Variants in PMS1 observed in about 807,000 individuals in gnomAD.
The protein encoded by PMS1 is PMS1 homolog 1, mismatch repair system component.
A neutral mutation model predicts 93.1 loss-of-function variants in PMS1; 79 were observed. That is an observed-to-expected ratio of 0.85 (90% CI 0.71 to 1.02). The LOEUF is 1.02. Among genes scored for constraint, PMS1 ranks in the 50% least tolerant of loss-of-function variants. PMS1 has a pLI of 0.00. For synonymous variants in PMS1, 335 were observed against 363.4 expected, an observed-to-expected ratio of 0.92 and a Z score of 0.89; for missense variants, 1,064 against 1,085.3, an observed-to-expected ratio of 0.98 and a Z score of 0.28.
chr2:189,863,166 C>G (rs1331705981), intron 9 of PMS1, among the ~76,000 whole-genome samples: 1 of 151,910 alleles, frequency 6.6e-6, no homozygotes, highest in Non-Finnish European at 1.5e-5. Flanking sequence ...GGCTGTTCTT[C>G]AGTGCCTACT....
At chr2:189,828,981 T>A (rs551934027) in intron 5 of PMS1, among the ~76,000 whole-genome samples, 2 of 152,310 alleles carry the variant, frequency 1.3e-5, no homozygotes, top group South Asian at 4.1e-4. Flanking sequence ...CTCAAATCTT[T>A]TAGCAAATAG....
chr2:189,865,323 G>C (rs256564), intron 10 of PMS1, among the ~76,000 whole-genome samples: 1 of 151,896 alleles, frequency 6.6e-6, no homozygotes, highest in Non-Finnish European at 1.5e-5. Flanking sequence ...GGAATGTTCT[G>C]TTGTCTGTAT....
chr2:189,805,828 A>C lies in PMS1; in HGVS notation c.418+74A>C, dbSNP rs756367776. On this transcript the variant is annotated intron_variant, in intron 4 of 12. Coordinates refer to ENST00000441310, the MANE Select transcript of PMS1 (RefSeq NM_000534.5). Reference sequence around the variant, plus strand: ...ATTGTTGGTTTAAAAAAAAAAAGTTACTCGGTGAATACAAATATATTGCTT... The same window carrying C: ...ATTGTTGGTTTAAAAAAAAAAAGTTCCTCGGTGAATACAAATATATTGCTT... 5 of 1,586,922 alleles carry C rather than the reference A, an allele frequency of 3.2e-6. No individual in the cohort carries two copies. In the Admixed American group the frequency reaches 8.8e-5, roughly 28 times the overall value.
chr2:189,853,531 T>G (rs1026590431), intron 7 of PMS1, among the ~76,000 whole-genome samples: 2 of 151,820 alleles, frequency 1.3e-5, no homozygotes, highest in African/African-American at 4.8e-5. Context: ...TTTTTTTTTT[T>G]TTGAGATGCA....
intron 5 of PMS1, among the ~76,000 whole-genome samples, chr2:189,821,757 C>A (rs910171600): frequency 6.6e-6 from 1 of 151,864 alleles, no homozygotes; most frequent in Admixed American, 6.6e-5. Flanking sequence ...TGCAGTGAGC[C>A]GAGATCGCAC....
At chr2:189,859,661 T>C (rs2055737795) in intron 9 of PMS1, among the ~76,000 whole-genome samples, 2 of 152,290 alleles carry the variant, frequency 1.3e-5, no homozygotes, top group South Asian at 4.1e-4. Context: ...CTTAACTTTC[T>C]ACCCAGTGTA....
At chr2:189,797,744 G>A (rs1354479249) in intron 3 of PMS1, among the ~76,000 whole-genome samples, 1 of 152,116 alleles carries the variant, frequency 6.6e-6, no homozygotes, top group African/African-American at 2.4e-5. Context: ...TCTGGTCTTT[G>A]GACATCTGTT....
At chr2:189,876,217 T>TGGA (rs2057555781) in intron 12 of PMS1, among the ~76,000 whole-genome samples, 1 of 151,658 alleles carries the variant, frequency 6.6e-6, no homozygotes, top group Admixed American at 6.6e-5. Flanking sequence ...CTGCTGAGAG[T>TGGA]GGAGGGGTTG....
At chr2:189,874,103 A>T (rs1243225852) in intron 12 of PMS1, among the ~76,000 whole-genome samples, 1 of 146,552 alleles carries the variant, frequency 6.8e-6, no homozygotes, top group African/African-American at 2.5e-5. Flanking sequence ...GAACACTATT[A>T]AAAAAAAAAA....
chr2:189,861,235 G>T (rs2055957449), intron 9 of PMS1, among the ~76,000 whole-genome samples: 1 of 151,694 alleles, frequency 6.6e-6, no homozygotes, highest in African/African-American at 2.4e-5. Flanking sequence ...TTTTGCTTTG[G>T]TGATTACATT....
chr2:189,857,001 A>T (rs2055404137), intron 9 of PMS1, among the ~76,000 whole-genome samples: 3 of 152,126 alleles, frequency 2.0e-5, no homozygotes, highest in African/African-American at 7.2e-5. Flanking sequence ...TTGATGGTCA[A>T]GACCTCTGAA....
Position 189,842,198 on chromosome 2 carries a change from C to T in PMS1, c.583-1766C>T, listed in dbSNP as rs919366032. Reference sequence around the variant, plus strand: ...GCCACGTCTGTTCCTACCATACTCACTCAACATTGGAAACATATGATGACT... The same window carrying T: ...GCCACGTCTGTTCCTACCATACTCATTCAACATTGGAAACATATGATGACT... On this transcript the variant is annotated intron_variant, in intron 5 of 12. Coordinates refer to ENST00000441310, the MANE Select transcript of PMS1 (RefSeq NM_000534.5). 9.2e-5 allele frequency among the ~76,000 whole-genome samples: 14 copies of T among 152,124 alleles called. No individual in the cohort carries two copies. The East Asian group carries it at 2.7e-3, about 30-fold the overall frequency.
At position 189,820,471 on chromosome 2, in the gene PMS1, A is replaced by AT. The variant is rs533819626; in HGVS notation, c.582+2299dup. Among the ~76,000 whole-genome samples, 9 of 151,372 alleles carry AT rather than the reference A, an allele frequency of 5.9e-5. No homozygotes were observed. In the South Asian group the frequency reaches 8.4e-4, roughly 14 times the overall value. On this transcript the variant is annotated intron_variant, in intron 5 of 12. Coordinates refer to ENST00000441310, the MANE Select transcript of PMS1 (RefSeq NM_000534.5). Reference sequence around the variant, plus strand: ...TACCACCATGCCTGGCTCATTTTTAATTTTTTTTGTAGGGATATGGGGGGT... The same window carrying AT: ...TACCACCATGCCTGGCTCATTTTTAATTTTTTTTTGTAGGGATATGGGGGGT...
intron 5 of PMS1, among the ~76,000 whole-genome samples, chr2:189,837,395 G>C (rs570244834): frequency 6.6e-6 from 1 of 152,184 alleles, no homozygotes; most frequent in African/African-American, 2.4e-5. Context: ...TTGTGAATAA[G>C]TTTTTATGGT....
At chr2:189,786,144 G>A (rs1184747572) in intron 1 of PMS1, among the ~76,000 whole-genome samples, 3 of 151,924 alleles carry the variant, frequency 2.0e-5, no homozygotes, top group South Asian at 4.1e-4. Context: ...AAAAAAAGAC[G>A]AGCTGTGCAG....
intron 4 of PMS1, among the ~76,000 whole-genome samples, chr2:189,812,053 C>G (rs760009506): frequency 2.6e-5 from 4 of 152,118 alleles, no homozygotes; most frequent in Non-Finnish European, 5.9e-5. Flanking sequence ...GTAATCCCAG[C>G]ACTTTGGGAG....
chr2:189,794,804 G>A (rs1559215053), intron 2 of PMS1, among the ~76,000 whole-genome samples: 1 of 152,180 alleles, frequency 6.6e-6, no homozygotes, highest in East Asian at 1.9e-4. Context: ...TTGAGATTTT[G>A]AAAAGATTTT....
rs1195495724 is a variant in PMS1, at chr2:189,855,001, G to A, written c.1729G>A (p.Ala577Thr). Residue 577 changes from alanine to threonine, a missense_variant, in exon 9 of 13, where the codon GCA (alanine) becomes ACA (threonine). Transcript: ENST00000441310. Reference protein sequence around the residue: ...SNRVIKKPMSASALFVQDHRP... With the variant: ...SNRVIKKPMSTSALFVQDHRP... Reference sequence around the variant, plus strand: ...TCGAGTAATCAAGAAACCCATGTCAGCAAGTGCTCTTTTTGTTCAAGATCA... The same window carrying A: ...TCGAGTAATCAAGAAACCCATGTCAACAAGTGCTCTTTTTGTTCAAGATCA... 6.2e-7 allele frequency: 1 copy of A among 1,613,414 alleles called. No individual in the cohort carries two copies.
chr2:189,858,816 T>C (rs1420868422), intron 9 of PMS1, among the ~76,000 whole-genome samples: 1 of 152,170 alleles, frequency 6.6e-6, no homozygotes, highest in Non-Finnish European at 1.5e-5. Context: ...AGGAGCCATT[T>C]TTTTAATGTA....
Sources: gnomAD v4.1 joint callset for allele counts (sites outside exome capture counted in the v4.1 genomes callset) on GRCh38, gnomAD v4.1.1 for gene constraint, MANE v1.5 for transcripts, NCBI Gene and HGNC (gene_info 2026-07-23, HGNC 2026-07-21) for gene names.